GALNTL6: variants seen among roughly 807,000 people sequenced by gnomAD.
GALNTL6 encodes polypeptide N-acetylgalactosaminyltransferase like 6, also known as polypeptide N-acetylgalactosaminyltransferase-like 6.
GALNTL6 carries 46 observed loss-of-function variants against 73.7 expected under a neutral mutation model. The ratio of observed to expected loss-of-function variants is 0.62; its 90% CI spans 0.49 to 0.80. The LOEUF (loss-of-function observed/expected upper bound fraction) is 0.80, where lower values mean the gene tolerates loss of function less well. GALNTL6 is among the 30% of genes least tolerant of loss of function. The pLI is 0.00. For missense variants in GALNTL6, 604 were observed against 755.0 expected (o/e 0.80, Z 2.34); for synonymous variants, 259 against 263.7 (o/e 0.98, Z 0.17).
intron 5 of GALNTL6, among the ~76,000 whole-genome samples, chr4:172,383,245 T>C (rs1308393943): frequency 1.5e-5 from 1 of 66,670 alleles, no homozygotes; most frequent in Admixed American, 2.1e-4. Context: ...AACAATATTG[T>C]CTTCCAGTTC....
rs186776029 is a variant in GALNTL6 at position 172,917,782 on chromosome 4, C to T, written c.1042-13379C>T. On this transcript the variant is annotated intron_variant, in intron 8 of 12. Coordinates refer to ENST00000506823, the MANE Select transcript of GALNTL6 (RefSeq NM_001034845.3). ...TGGAGAGGTTGTGGAGAAATAGGAACGCTTTTACACTGTTGGTGGGACTGT... is the reference window on the plus strand; with the variant it reads ...TGGAGAGGTTGTGGAGAAATAGGAATGCTTTTACACTGTTGGTGGGACTGT... Among the ~76,000 whole-genome samples the T allele has an allele frequency of 6.1e-3, 929 of 152,256 alleles. 8 individuals are homozygous for T. The highest frequency in any genetic ancestry group is 0.021 in the African/African-American group (856 of 41,552).
chr4:172,855,528 T>C (rs1744079830), intron 7 of GALNTL6, among the ~76,000 whole-genome samples: 1 of 152,196 alleles, frequency 6.6e-6, no homozygotes, highest in African/African-American at 2.4e-5. Context: ...AATTTCTGTG[T>C]TCTAATCAGT....
chr4:172,059,116 G>T lies in GALNTL6; in HGVS notation c.139-170540G>T, dbSNP rs533906461. Among the ~76,000 whole-genome samples, 6 of 152,282 alleles carry T rather than the reference G, an allele frequency of 3.9e-5. 1 individual carries two copies. The South Asian group carries it at 1.2e-3, about 32-fold the overall frequency. ...GTGCAAGTAAGCAGATTTCTGAGTTGCCTAGAGGAGAGATCATCTCCTTGG... is the reference window on the plus strand; with the variant it reads ...GTGCAAGTAAGCAGATTTCTGAGTTTCCTAGAGGAGAGATCATCTCCTTGG... On this transcript the variant is annotated intron_variant, in intron 2 of 12. Transcript: ENST00000506823.
intron 7 of GALNTL6, among the ~76,000 whole-genome samples, chr4:172,879,857 T>G (rs1362245626): frequency 6.6e-6 from 1 of 151,892 alleles, no homozygotes; most frequent in Admixed American, 6.6e-5. Flanking sequence ...TTAATAAAAT[T>G]GATAAGCCTC....
chr4:172,272,069 C>T (rs1738676376), intron 3 of GALNTL6, among the ~76,000 whole-genome samples: 1 of 152,064 alleles, frequency 6.6e-6, no homozygotes, highest in African/African-American at 2.4e-5. Flanking sequence ...TCTCCTGCTT[C>T]AGCCTCCCGA....
intron 2 of GALNTL6, among the ~76,000 whole-genome samples, chr4:171,927,824 C>G (rs1282551038): frequency 6.6e-6 from 1 of 152,168 alleles, no homozygotes. Context: ...GCATGGTTGT[C>G]TCTCTCATGT....
chr4:172,858,713 A>G (rs995327990), intron 7 of GALNTL6, among the ~76,000 whole-genome samples: 1 of 152,162 alleles, frequency 6.6e-6, no homozygotes, highest in Non-Finnish European at 1.5e-5. Context: ...TAAGCTGTCT[A>G]CTGTTCCTGC....
chr4:172,426,862 G>A (rs890986290), intron 5 of GALNTL6, among the ~76,000 whole-genome samples: 13 of 151,928 alleles, frequency 8.6e-5, no homozygotes, highest in African/African-American at 3.1e-4. Flanking sequence ...GCAAGAGGAA[G>A]TCAGACTGGA....
chr4:172,368,084 C>T (rs10031695), intron 5 of GALNTL6, among the ~76,000 whole-genome samples: 152,185 of 152,344 alleles, frequency 1, 76,013 homozygotes, highest in Non-Finnish European at 1. Context: ...ATACTTATTA[C>T]AAAAGTAGAA....
intron 2 of GALNTL6, among the ~76,000 whole-genome samples, chr4:171,903,594 A>C (rs9761872): frequency 0.11 from 11,043 of 100,886 alleles, 1,475 homozygotes; most frequent in African/African-American, 0.28. Flanking sequence ...TCCAGGCTTG[A>C]TTAGGTAAAC....
chr4:172,984,225 G>A (rs1751194793), intron 10 of GALNTL6, among the ~76,000 whole-genome samples: 1 of 152,158 alleles, frequency 6.6e-6, no homozygotes, highest in South Asian at 2.1e-4. Context: ...TATAAGGAAA[G>A]AGCTTTAATG....
At chr4:172,565,952 A>G (rs919117592) in intron 5 of GALNTL6, among the ~76,000 whole-genome samples, 17 of 152,176 alleles carry the variant, frequency 1.1e-4, no homozygotes, top group Admixed American at 9.8e-4. Context: ...AGGACATTAT[A>G]TATTAATAAT....
intron 2 of GALNTL6, among the ~76,000 whole-genome samples, chr4:172,205,218 A>G (rs568059232): frequency 1.2e-4 from 18 of 152,334 alleles, no homozygotes; most frequent in Middle Eastern, 3.4e-3. Flanking sequence ...AGTTTGATAA[A>G]TGGATAAATA....
In GALNTL6 at chr4:171,814,486, T is replaced by A; in HGVS notation, c.-95T>A. 1 of 1,349,996 alleles carries A rather than the reference T, an allele frequency of 7.4e-7. No homozygotes were observed. Among genetic ancestry groups the A allele is most frequent in the Non-Finnish European group, 1.0e-6 (1 of 967,292 alleles). 83.6% of individuals were successfully genotyped at this position (1,349,996 alleles called of 1,614,324 possible). A position where few individuals can be genotyped will look rare whatever the true frequency, so the allele number is the denominator to read the frequency against. On this transcript the variant is annotated 5_prime_UTR_variant, in exon 2 of 13. Coordinates refer to ENST00000506823, the MANE Select transcript of GALNTL6 (RefSeq NM_001034845.3). The stretch of plus-strand genomic sequence containing the variant: ...AAGTTTGTAGCTTCTCAGTTTCTGG[T>A]GCTTCGCAGGGGAGAGGAAAGGAAT...
At chr4:171,836,824 G>A (rs532406437) in intron 2 of GALNTL6, among the ~76,000 whole-genome samples, 1 of 152,184 alleles carries the variant, frequency 6.6e-6, no homozygotes, top group South Asian at 2.1e-4. Flanking sequence ...ATAAGTAAAT[G>A]TTGAAGGAAA....
At chr4:172,754,722 G>A (rs1045721691) in intron 5 of GALNTL6, among the ~76,000 whole-genome samples, 1 of 151,780 alleles carries the variant, frequency 6.6e-6, no homozygotes, top group Admixed American at 6.6e-5. Flanking sequence ...GTTATAGTTA[G>A]AATTCTTTAG....
chr4:172,736,899 G>C (rs1420326639), intron 5 of GALNTL6, among the ~76,000 whole-genome samples: 2 of 152,102 alleles, frequency 1.3e-5, no homozygotes, highest in African/African-American at 4.8e-5. Context: ...TTTTATAAAG[G>C]ACAATTCCCC....
chr4:172,241,098 G>C (rs187591246), intron 3 of GALNTL6, among the ~76,000 whole-genome samples: 1 of 152,248 alleles, frequency 6.6e-6, no homozygotes, highest in Admixed American at 6.5e-5. Flanking sequence ...GTTTTACAGG[G>C]TGTAAGTTAG....
intron 4 of GALNTL6, among the ~76,000 whole-genome samples, chr4:172,324,062 G>A (rs913733777): frequency 2.0e-5 from 3 of 151,834 alleles, no homozygotes; most frequent in East Asian, 1.9e-4. Context: ...ATAACTTGCT[G>A]CCTGTTTATT....
Sources: gnomAD v4.1 joint callset for allele counts (sites outside exome capture counted in the v4.1 genomes callset) on GRCh38, gnomAD v4.1.1 for gene constraint, MANE v1.5 for transcripts, NCBI Gene and HGNC (gene_info 2026-07-23, HGNC 2026-07-21) for gene names.